The following MECOM variants were observed in gnomAD, a reference collection of about 807,000 sequenced individuals.
MECOM encodes the protein histone-lysine N-methyltransferase MECOM.
In MECOM, 13 loss-of-function variants were observed where a neutral mutation model predicts 116.3. The ratio of observed to expected loss-of-function variants is 0.11; its 90% CI spans 0.07 to 0.18. The LOEUF (loss-of-function observed/expected upper bound fraction) is 0.18. Among genes scored for constraint, MECOM ranks in the 10% least tolerant of loss-of-function variants. The probability of loss-of-function intolerance (pLI) is 1.00; values close to 1 mark genes in which losing one functional copy is unlikely to be tolerated. For missense variants in MECOM, 1,299 were observed against 1,509.0 expected, an observed-to-expected ratio of 0.86 and a Z score of 2.31; for synonymous variants, 528 against 535.2, an observed-to-expected ratio of 0.99 and a Z score of 0.19.
At chr3:169,444,813 C>T (rs1290746812) in intron 1 of MECOM, among the ~76,000 whole-genome samples, 1 of 152,072 alleles carries the variant, frequency 6.6e-6, no homozygotes, top group East Asian at 1.9e-4. Flanking sequence ...GATAAAAATG[C>T]TGATAGTGAT....
intron 1 of MECOM, among the ~76,000 whole-genome samples, chr3:169,513,874 T>C (rs952642188): frequency 6.6e-6 from 1 of 152,202 alleles, no homozygotes; most frequent in Admixed American, 6.5e-5. Context: ...TTCCCACCAC[T>C]GAAAAATAAC....
chr3:169,303,164 A>G (rs993616908), intron 2 of MECOM, among the ~76,000 whole-genome samples: 1 of 152,224 alleles, frequency 6.6e-6, no homozygotes, highest in Non-Finnish European at 1.5e-5. Flanking sequence ...ACCATTTTAC[A>G]TATTTTCTAC....
intron 1 of MECOM, among the ~76,000 whole-genome samples, chr3:169,454,390 G>GAAAA (rs35807490): frequency 1.1e-4 from 12 of 111,780 alleles, no homozygotes; most frequent in Admixed American, 4.8e-4. Flanking sequence ...TTTCTTTCAG[G>GAAAA]AAAAAAAAAA....
chr3:169,638,310 A>G (rs185618642), intron 1 of MECOM, among the ~76,000 whole-genome samples: 7 of 152,114 alleles, frequency 4.6e-5, no homozygotes, highest in Non-Finnish European at 8.8e-5. Flanking sequence ...GACCTCCCCA[A>G]TGTGGACTTC....
intron 1 of MECOM, among the ~76,000 whole-genome samples, chr3:169,606,257 C>T (rs922837689): frequency 2.6e-5 from 4 of 151,680 alleles, no homozygotes; most frequent in African/African-American, 9.7e-5. Flanking sequence ...ACTAAAAGTA[C>T]AAAAAATTAG....
intron 1 of MECOM, among the ~76,000 whole-genome samples, chr3:169,660,034 C>T (rs1017179189): frequency 1.3e-5 from 2 of 152,108 alleles, no homozygotes; most frequent in Non-Finnish European, 2.9e-5. Context: ...AATTCCCGCG[C>T]GTTGTCACTT....
chr3:169,226,188 A>G (rs1265778085), intron 2 of MECOM, among the ~76,000 whole-genome samples: 1 of 152,162 alleles, frequency 6.6e-6, no homozygotes, highest in Non-Finnish European at 1.5e-5. Context: ...TGCTGGTGCA[A>G]AGAGGTAAAA....
At chr3:169,120,385 G>A (rs775760121) in intron 7 of MECOM, among the ~76,000 whole-genome samples, 17 of 152,210 alleles carry the variant, frequency 1.1e-4, no homozygotes, top group Admixed American at 2.0e-4. Context: ...GATGTTCTAA[G>A]TAGGTGGTCA....
chr3:169,196,428 T>C (rs1748418278), intron 2 of MECOM, among the ~76,000 whole-genome samples: 1 of 152,052 alleles, frequency 6.6e-6, no homozygotes, highest in African/African-American at 2.4e-5. Flanking sequence ...ACGTCTCACA[T>C]TGTAAAATAC....
At chr3:169,292,521 G>A (rs1714771820) in intron 2 of MECOM, among the ~76,000 whole-genome samples, 1 of 152,108 alleles carries the variant, frequency 6.6e-6, no homozygotes, top group Non-Finnish European at 1.5e-5. Flanking sequence ...TCTACTGTGA[G>A]CTCTGTGCAG....
chr3:169,131,208 T>G (rs1346401090), intron 4 of MECOM, among the ~76,000 whole-genome samples: 1 of 152,188 alleles, frequency 6.6e-6, no homozygotes, highest in Non-Finnish European at 1.5e-5. Context: ...CAAAATTCCT[T>G]TGACCTCCAC....
intron 1 of MECOM, chr3:169,613,732 G>T (rs6444867): frequency 0.46 from 70,392 of 152,036 alleles, 16,472 homozygotes; most frequent in Non-Finnish European, 0.48. Flanking sequence ...TTCTCTGAAG[G>T]TCTGGAGATC....
chr3:169,353,489 T>C (rs1013113176), intron 2 of MECOM, among the ~76,000 whole-genome samples: 58 of 151,802 alleles, frequency 3.8e-4, no homozygotes, highest in South Asian at 1.0e-3. Context: ...AAGATCGGTT[T>C]TATACAAGTT....
At chr3:169,605,524 G>A (rs1327018593) in intron 1 of MECOM, among the ~76,000 whole-genome samples, 8 of 152,210 alleles carry the variant, frequency 5.3e-5, no homozygotes, top group Non-Finnish European at 8.8e-5. Context: ...GTGCTACAGT[G>A]AAAACTAGAC....
At chr3:169,276,477 C>A (rs148773995) in intron 2 of MECOM, among the ~76,000 whole-genome samples, 1 of 148,076 alleles carries the variant, frequency 6.8e-6, no homozygotes, top group African/African-American at 2.5e-5. Flanking sequence ...TGCTTGAAAC[C>A]GGGAGGCAGA....
chr3:169,203,124 C>T (rs1355565120), intron 2 of MECOM, among the ~76,000 whole-genome samples: 1 of 152,138 alleles, frequency 6.6e-6, no homozygotes, highest in Non-Finnish European at 1.5e-5. Context: ...CTATGAACTT[C>T]GTTGGCGCCA....
intron 1 of MECOM, among the ~76,000 whole-genome samples, chr3:169,556,726 C>G (rs1762070118): frequency 6.6e-6 from 1 of 152,134 alleles, no homozygotes; most frequent in Non-Finnish European, 1.5e-5. Flanking sequence ...CATGTCATGA[C>G]AGCCCTATAG....
At chr3:169,436,965 TC>T (rs568725167) in intron 1 of MECOM, among the ~76,000 whole-genome samples, 1 of 152,168 alleles carries the variant, frequency 6.6e-6, no homozygotes, top group Non-Finnish European at 1.5e-5. Flanking sequence ...CTTTCTGGAA[TC>T]ATAGAGAATA....
intron 2 of MECOM, among the ~76,000 whole-genome samples, chr3:169,214,688 T>C (rs1320406333): frequency 6.6e-6 from 1 of 151,414 alleles, no homozygotes; most frequent in East Asian, 1.9e-4. Flanking sequence ...TTAATAAACA[T>C]ATTTTTGTTA....
Sources: gnomAD v4.1 joint callset for allele counts (sites outside exome capture counted in the v4.1 genomes callset) on GRCh38, gnomAD v4.1.1 for gene constraint, MANE v1.5 for transcripts, NCBI Gene and HGNC (gene_info 2026-07-23, HGNC 2026-07-21) for gene names.